URM1: variants seen among roughly 807,000 people sequenced by gnomAD.
The protein encoded by URM1 is ubiquitin-related modifier 1.
URM1 carries 11 observed loss-of-function variants against 17.7 expected under a neutral mutation model. The observed-to-expected ratio is 0.62, with a 90% CI of 0.39 to 1.03. The LOEUF (loss-of-function observed/expected upper bound fraction) is 1.03. Among genes scored for constraint, URM1 ranks in the 50% least tolerant of loss-of-function variants. The probability of loss-of-function intolerance (pLI) is 0.00; values close to 1 mark genes in which losing one functional copy is unlikely to be tolerated. For synonymous variants in URM1, 48 were observed against 50.6 expected, an observed-to-expected ratio of 0.95 and a Z score of 0.22; for missense variants, 128 against 129.2, an observed-to-expected ratio of 0.99 and a Z score of 0.04.
intron 2 of URM1, among the ~76,000 whole-genome samples, chr9:128,378,342 G>A (rs1010540954): frequency 6.6e-6 from 1 of 151,756 alleles, no homozygotes; most frequent in African/African-American, 2.4e-5. Context: ...TTCGAGACCA[G>A]CCTGGCCAAC....
At chr9:128,380,979 C>T (rs1833152455) in intron 2 of URM1, among the ~76,000 whole-genome samples, 3 of 152,116 alleles carry the variant, frequency 2.0e-5, no homozygotes, top group Admixed American at 1.3e-4. Context: ...TGCCTGCCAC[C>T]ACGCCCGGCT....
Position 128,387,300 on chromosome 9 carries a change from T to A in URM1, c.107-516T>A, listed in dbSNP as rs2131300373. 6.6e-6 allele frequency among the ~76,000 whole-genome samples: 1 copy of A among 152,352 alleles called. No homozygotes were observed. The stretch of plus-strand genomic sequence containing the variant: ...TCTCCCTCTGCCAGAGGAAATTAAC[T>A]GATGTTATCAGCTCAGCAATTGTTT... On this transcript the variant is annotated intron_variant, in intron 2 of 4. Coordinates refer to ENST00000372853, the MANE Select transcript of URM1 (RefSeq NM_030914.4). This position sits in a 1 kb window ranked among gnomAD's most constrained non-coding sequence, Gnocchi z 4.3.
intron 2 of URM1, among the ~76,000 whole-genome samples, chr9:128,378,882 G>C (rs925595568): frequency 1.3e-5 from 2 of 151,122 alleles, no homozygotes; most frequent in South Asian, 4.2e-4. Context: ...GGGAGGCAGA[G>C]GTTTCAGTGA....
In URM1 at chr9:128,387,847, G is replaced by C. The variant is rs773280954; in HGVS notation, c.138G>C (p.Lys46Asn). ...TCCGGAACCTGCTCATCTGGATCAA[G>C]AAGAATTTGCTAAAAGAGCGGCCAG... is the stretch of plus-strand genomic sequence containing the variant. ...WDIRNLLIWI[K>N]KNLLKERPEL... Residue 46 changes from lysine (K) to asparagine (N), a missense_variant, in exon 3 of 5, where the codon AAG (lysine) becomes AAC (asparagine). Transcript: ENST00000372853. The surrounding 1 kb of genome is among the most constrained non-coding windows in gnomAD (Gnocchi z 4.3). 157 of 1,614,068 alleles carry C rather than the reference G, an allele frequency of 9.7e-5. No individual in the cohort carries two copies. The highest frequency in any genetic ancestry group is 1.2e-4 in the Non-Finnish European group (146 of 1,180,036).
At chr9:128,380,888 G>A (rs964992126) in intron 2 of URM1, among the ~76,000 whole-genome samples, 4 of 152,094 alleles carry the variant, frequency 2.6e-5, no homozygotes, top group East Asian at 1.9e-4. Flanking sequence ...GCAGTGGCGC[G>A]ATCTTGGCTG....
At chr9:128,371,741 T>C (rs1035573061) in intron 1 of URM1, among the ~76,000 whole-genome samples, 13 of 152,248 alleles carry the variant, frequency 8.5e-5, no homozygotes, top group African/African-American at 3.1e-4. Context: ...CAATCCCATC[T>C]GTTTGGCATC....
intron 3 of URM1, chr9:128,388,393 C>T: frequency 3.0e-6 from 3 of 986,562 alleles, no homozygotes; most frequent in Non-Finnish European, 3.6e-6. Flanking sequence ...CACACACACT[C>T]ACTGGGGACA....
At position 128,390,204 on chromosome 9, in the gene URM1, C is replaced by T; in HGVS notation, c.*470C>T. 1 of 175,270 alleles carries T rather than the reference C, an allele frequency of 5.7e-6. No homozygotes were observed. Among genetic ancestry groups the T allele is most frequent in the South Asian group, 1.3e-4 (1 of 7,556 alleles). The allele number at this position is 175,270 out of a possible 1,614,324, so 10.9% of individuals were successfully genotyped here. A position where few individuals can be genotyped will look rare whatever the true frequency, so the allele number is the denominator to read the frequency against. ...GGCTTCTCAGCCTCAATTTCCCTGTCTGTACAGCTGAGGGCTCTGCCTGTC... is the reference window on the plus strand; with the variant it reads ...GGCTTCTCAGCCTCAATTTCCCTGTTTGTACAGCTGAGGGCTCTGCCTGTC... On this transcript the variant is annotated 3_prime_UTR_variant, in exon 5 of 5. Transcript: ENST00000372853.
chr9:128,388,699 C>T (rs1433920321), intron 3 of URM1: 1 of 986,566 alleles, frequency 1.0e-6, no homozygotes, highest in Non-Finnish European at 1.2e-6. Context: ...GTTGACCTAC[C>T]CTGCCTTATG....
At chr9:128,379,563 GC>G (rs1203556696) in intron 2 of URM1, among the ~76,000 whole-genome samples, 1 of 152,006 alleles carries the variant, frequency 6.6e-6, no homozygotes, top group East Asian at 1.9e-4. Context: ...ACTTTGGGAG[GC>G]CAAGGCGGGT....
chr9:128,389,491 A>C, intron 4 of URM1, 175 bp from the exon 5 acceptor site: 3 of 1,557,058 alleles, frequency 1.9e-6, no homozygotes, highest in Non-Finnish European at 2.6e-6. Flanking sequence ...AGCTGGGGAC[A>C]TGGGAGTACT....
At chr9:128,379,389 G>A (rs1393596546) in intron 2 of URM1, among the ~76,000 whole-genome samples, 1 of 152,136 alleles carries the variant, frequency 6.6e-6, no homozygotes, top group African/African-American at 2.4e-5. Context: ...TGAAGCAGGA[G>A]AATTGCTTGA....
intron 4 of URM1, 151 bp from the exon 5 acceptor site, chr9:128,389,515 G>A (rs1171299719): frequency 1.9e-6 from 3 of 1,548,662 alleles, no homozygotes; most frequent in Non-Finnish European, 2.6e-6. Flanking sequence ...CCATCCTGAA[G>A]ATTTGCAGGT....
rs1833220815 is a variant in URM1 at position 128,385,881 on chromosome 9, GC to G, written c.107-1934del. ...AAATGTGGGCAGGCCTGGGTGGGGG[GC>G]GGGCAGAAGAGGGAGGGAGTGACCT... On this transcript the variant is annotated intron_variant, in intron 2 of 4. Transcript: ENST00000372853. Among the ~76,000 whole-genome samples, 2 of 149,138 alleles carry G rather than the reference GC, an allele frequency of 1.3e-5. 1 individual carries two copies. Among genetic ancestry groups the G allele is most frequent in the Non-Finnish European group, 3.0e-5 (2 of 67,200 alleles).
At chr9:128,373,164 C>A (rs925930645) in intron 1 of URM1, among the ~76,000 whole-genome samples, 3 of 151,716 alleles carry the variant, frequency 2.0e-5, no homozygotes, top group African/African-American at 4.8e-5. Flanking sequence ...CAAGGCAGGA[C>A]AACATTCCTC....
intron 1 of URM1, among the ~76,000 whole-genome samples, chr9:128,376,353 C>A (rs767912198): frequency 6.6e-6 from 1 of 151,864 alleles, no homozygotes; most frequent in Non-Finnish European, 1.5e-5. Flanking sequence ...CAGAGTGAGA[C>A]CTTGTCTCAA....
At chr9:128,380,888 G>T (rs964992126) in intron 2 of URM1, among the ~76,000 whole-genome samples, 1 of 151,976 alleles carries the variant, frequency 6.6e-6, no homozygotes, top group Non-Finnish European at 1.5e-5. Context: ...GCAGTGGCGC[G>T]ATCTTGGCTG....
At chr9:128,385,876 G>C (rs1219467841) in intron 2 of URM1, among the ~76,000 whole-genome samples, 3 of 151,980 alleles carry the variant, frequency 2.0e-5, no homozygotes, top group Admixed American at 6.6e-5. Flanking sequence ...AGGCCTGGGT[G>C]GGGGGCGGGC....
chr9:128,389,650 C>G lies in URM1; in HGVS notation c.238-16C>G, dbSNP rs767627771. On this transcript the variant is annotated splice_polypyrimidine_tract_variant and intron_variant, in intron 4 of 4. Transcript: ENST00000372853. ...GTGGCCCTGAGGGTCTCCCGCTCCC[C>G]TCTCTCCCGCACCAGGGTGAGCTGG... 6.2e-7 allele frequency: 1 copy of G among 1,613,340 alleles called. No homozygotes were observed. The highest frequency in any genetic ancestry group is 1.3e-5 in the African/African-American group (1 of 74,944).
Sources: gnomAD v4.1 joint callset for allele counts (sites outside exome capture counted in the v4.1 genomes callset) on GRCh38, gnomAD v4.1.1 for gene constraint, Gnocchi (gnomAD v3.1) non-coding constraint, MANE v1.5 for transcripts, NCBI Gene and HGNC (gene_info 2026-07-23, HGNC 2026-07-21) for gene names.